RAD51C: variants seen among roughly 807,000 people sequenced by gnomAD.
RAD51C encodes the protein RAD51 paralog C.
A neutral mutation model predicts 45.0 loss-of-function variants in RAD51C; 42 were observed. That is an observed-to-expected ratio of 0.93 (90% CI 0.73 to 1.21). The LOEUF (loss-of-function observed/expected upper bound fraction) is 1.21, where lower values mean the gene tolerates loss of function less well. RAD51C is among the 50% of genes most tolerant of loss of function. The pLI is 0.00. For synonymous variants in RAD51C, 172 were observed against 159.8 expected (o/e 1.08, Z -0.58); for missense variants, 474 against 452.2 (o/e 1.05, Z -0.44).
Position 58,703,180 on chromosome 17 carries a change from T to C in RAD51C, c.572-16T>C, listed in dbSNP as rs1555597053. The C allele has an allele frequency of 1.9e-6, 3 of 1,608,750 alleles. No individual in the cohort carries two copies. Among genetic ancestry groups the C allele is most frequent in the Non-Finnish European group, 2.6e-6 (3 of 1,175,570 alleles). The stretch of plus-strand genomic sequence containing the variant: ...CCAAACAGGTAAAACTAATTAAGAG[T>C]GTTTTGTTGTTTCAGAACACCGAAA... On this transcript the variant is annotated splice_polypyrimidine_tract_variant and intron_variant, in intron 3 of 8. Transcript: ENST00000337432.
At chr17:58,704,366 G>A (rs989942763) in intron 4 of RAD51C, among the ~76,000 whole-genome samples, 6 of 151,812 alleles carry the variant, frequency 4.0e-5, no homozygotes, top group Non-Finnish European at 7.4e-5. Flanking sequence ...TCTGCTTCCC[G>A]GGTTAAGGCA....
intron 5 of RAD51C, among the ~76,000 whole-genome samples, chr17:58,717,246 A>G (rs72826388): frequency 0.077 from 11,776 of 152,128 alleles, 657 homozygotes; most frequent in Non-Finnish European, 0.12. Flanking sequence ...GTTTCTACAA[A>G]TAATTTAAAA....
intron 7 of RAD51C, among the ~76,000 whole-genome samples, chr17:58,728,746 G>A (rs1293402402): frequency 6.6e-6 from 1 of 152,068 alleles, no homozygotes; most frequent in East Asian, 1.9e-4. Context: ...ATTGAACTTA[G>A]GTGTGCTGTC....
intron 1 of RAD51C, chr17:58,693,008 G>T: frequency 1.6e-6 from 1 of 611,480 alleles, no homozygotes; most frequent in Non-Finnish European, 2.8e-6. Context: ...CTTTTCCTCT[G>T]GCAATGCCTG....
At chr17:58,732,882 G>C (rs2049490022) in intron 8 of RAD51C, 2 of 286,060 alleles carry the variant, frequency 7.0e-6, no homozygotes, top group Admixed American at 4.6e-5. Context: ...TTGGTCTGTA[G>C]GTATTATAGA....
chr17:58,698,916 C>T (rs1297754058), intron 3 of RAD51C, among the ~76,000 whole-genome samples: 1 of 149,682 alleles, frequency 6.7e-6, no homozygotes, highest in Non-Finnish European at 1.5e-5. Flanking sequence ...AAGTGAAACT[C>T]CTTCTCAAAA....
chr17:58,708,059 T>C (rs576894720), intron 4 of RAD51C, among the ~76,000 whole-genome samples: 6 of 152,260 alleles, frequency 3.9e-5, no homozygotes, highest in South Asian at 2.1e-4. Context: ...TTTACGAATA[T>C]TGGGGGGACA....
intron 8 of RAD51C, 110 bp downstream of exon 8, chr17:58,732,654 G>A: frequency 9.7e-7 from 1 of 1,035,414 alleles, no homozygotes; most frequent in African/African-American, 1.6e-5. Context: ...AAGCATATTT[G>A]AGGACAGCTT....
At chr17:58,704,294 A>T (rs1377089442) in intron 4 of RAD51C, among the ~76,000 whole-genome samples, 1 of 151,598 alleles carries the variant, frequency 6.6e-6, no homozygotes, top group African/African-American at 2.4e-5. Flanking sequence ...TTTTAATTTG[A>T]TGGAGTCTGG....
chr17:58,701,558 T>C (rs1174845284), intron 3 of RAD51C, among the ~76,000 whole-genome samples: 1 of 150,844 alleles, frequency 6.6e-6, no homozygotes, highest in Non-Finnish European at 1.5e-5. Flanking sequence ...CTCTCTGAAA[T>C]ATGTGCAAAA....
At chr17:58,716,053 C>G (rs532881147) in intron 5 of RAD51C, among the ~76,000 whole-genome samples, 3 of 149,794 alleles carry the variant, frequency 2.0e-5, no homozygotes, top group Non-Finnish European at 3.0e-5. Flanking sequence ...TGCAGTGAGC[C>G]GAGGTCATGC....
In RAD51C at chr17:58,692,723, T is replaced by C. The variant is rs587781309; in HGVS notation, c.80T>C (p.Leu27Pro). 1.2e-6 allele frequency: 2 copies of C among 1,614,226 alleles called. No homozygotes were observed. Among genetic ancestry groups the C allele is most frequent in the Non-Finnish European group, 1.7e-6 (2 of 1,180,040 alleles). Residue 27 changes from leucine to proline, a missense_variant, in exon 1 of 9, where the codon CTG becomes CCG. Transcript: ENST00000337432. ...CTGTCTCCAGCGGTGCGGGTGAAGC[T>C]GGTGTCTGCGGGGTTCCAGACTGCT... Reference protein sequence around the residue: ...FPLSPAVRVKLVSAGFQTAEE... With the variant: ...FPLSPAVRVKPVSAGFQTAEE...
intron 5 of RAD51C, among the ~76,000 whole-genome samples, chr17:58,717,756 A>T (rs545303475): frequency 1.3e-5 from 2 of 152,164 alleles, no homozygotes; most frequent in African/African-American, 4.8e-5. Context: ...AGAAAAAGAA[A>T]GAAAAGCTGC....
intron 3 of RAD51C, among the ~76,000 whole-genome samples, chr17:58,701,064 AT>A (rs1444807244): frequency 1.3e-5 from 2 of 151,672 alleles, no homozygotes; most frequent in East Asian, 3.9e-4. Context: ...TGCCCAGCTA[AT>A]TTTTTTTGCA....
At chr17:58,701,082 G>A (rs1034782783) in intron 3 of RAD51C, among the ~76,000 whole-genome samples, 18 of 151,928 alleles carry the variant, frequency 1.2e-4, no homozygotes, top group Non-Finnish European at 2.2e-4. Flanking sequence ...TGCATTTTTT[G>A]TAGAGACGGA....
chr17:58,706,529 T>C (rs2048385711), intron 4 of RAD51C: 3 of 464,074 alleles, frequency 6.5e-6, no homozygotes, highest in Non-Finnish European at 1.3e-5. Context: ...CTCTGTGGGG[T>C]GGCCCTGCCC....
intron 2 of RAD51C, chr17:58,695,392 A>G (rs2047968973): frequency 7.5e-7 from 1 of 1,333,394 alleles, no homozygotes; most frequent in South Asian, 1.9e-5. Context: ...TCTGATGTGA[A>G]AAAGTGTTTC....
Position 58,715,534 on chromosome 17 carries a change from G to A in RAD51C, c.838-5212G>A, listed in dbSNP as rs2048705365. 2.0e-5 allele frequency among the ~76,000 whole-genome samples: 3 copies of A among 150,292 alleles called. No individual in the cohort carries two copies. In the South Asian group the frequency reaches 6.3e-4, roughly 32 times the overall value. On this transcript the variant is annotated intron_variant, in intron 5 of 8. Transcript: ENST00000337432. The stretch of plus-strand genomic sequence containing the variant: ...CTCCCCCAGTCCCTCACAACCACTA[G>A]TATGCTTTCTGTTTCTGTGAATTTG...
At chr17:58,723,987 TGTATAACCAA>T (rs2049017214) in intron 6 of RAD51C, 43 bp from the exon 7 acceptor site, 1 of 1,457,760 alleles carries the variant, frequency 6.9e-7, no homozygotes, top group African/African-American at 1.4e-5. Flanking sequence ...TTCTGAGAAA[TGTATAACCAA>T]GTCAGTAAGG....
Sources: allele counts gnomAD v4.1 joint callset (sites outside exome capture counted in the v4.1 genomes callset), GRCh38; gene constraint gnomAD v4.1.1; transcripts MANE v1.5; gene names NCBI Gene and HGNC (gene_info 2026-07-23, HGNC 2026-07-21).